Variants in KDM3B observed in about 807,000 individuals in gnomAD.
KDM3B encodes the protein lysine-specific demethylase 3B.
KDM3B carries 10 observed loss-of-function variants against 170.0 expected under a neutral mutation model. The ratio of observed to expected loss-of-function variants is 0.06; its 90% CI spans 0.04 to 0.10. The LOEUF is 0.10. Ranked by LOEUF, KDM3B falls within the 10% of genes least tolerant of loss-of-function variation. The pLI is 1.00. For synonymous variants in KDM3B, 831 were observed against 834.8 expected (o/e 1.00, Z 0.08); for missense variants, 1,394 against 2,195.2 (o/e 0.64, Z 7.29).
At chr5:138,400,711 T>C (rs1762661607) in intron 11 of KDM3B, among the ~76,000 whole-genome samples, 1 of 151,714 alleles carries the variant, frequency 6.6e-6, no homozygotes, top group Non-Finnish European at 1.5e-5. Context: ...ATCATACCAC[T>C]GCACTCCAGC....
intron 6 of KDM3B, among the ~76,000 whole-genome samples, chr5:138,383,797 A>C (rs957741933): frequency 6.6e-6 from 1 of 152,172 alleles, no homozygotes; most frequent in Admixed American, 6.5e-5. Flanking sequence ...AAAAAACACA[A>C]AAATTAGCTG....
At chr5:138,423,357 TA>T (rs535295125) in intron 15 of KDM3B, among the ~76,000 whole-genome samples, 244 of 152,352 alleles carry the variant, frequency 1.6e-3, no homozygotes, top group African/African-American at 5.7e-3. Context: ...TGATGTTACA[TA>T]ATTATACATA....
intron 6 of KDM3B, among the ~76,000 whole-genome samples, chr5:138,384,997 G>A (rs1047221486): frequency 5.9e-5 from 9 of 151,728 alleles, no homozygotes; most frequent in African/African-American, 2.2e-4. Context: ...TTAATCTTGA[G>A]CTTTGCATAA....
intron 6 of KDM3B, among the ~76,000 whole-genome samples, chr5:138,383,042 A>G (rs1413060688): frequency 1.3e-5 from 2 of 152,100 alleles, no homozygotes; most frequent in East Asian, 3.8e-4. Flanking sequence ...TGTAAGTAGG[A>G]CTTACATATA....
chr5:138,386,803 T>A (rs1023820462), intron 7 of KDM3B, among the ~76,000 whole-genome samples, 182 bp downstream of exon 7: 4 of 152,226 alleles, frequency 2.6e-5, no homozygotes, highest in Non-Finnish European at 5.9e-5. Flanking sequence ...AATAACTTTA[T>A]CAGCTCTTAA....
rs1762259348 is a variant in KDM3B at position 138,386,338 on chromosome 5, C to T, written c.1097C>T (p.Thr366Ile). The change falls in exon 7 of 24, where the codon ACT becomes ATT. Residue 366 changes from threonine to isoleucine, a missense_variant. Coordinates refer to ENST00000314358, the MANE Select transcript of KDM3B (RefSeq NM_016604.4). Reference sequence around the variant, plus strand: ...ACTTACACCAAAGAAAACGGCAGGACTCTGGTGGTGCAGGATGAGCCTGTA... The same window carrying T: ...ACTTACACCAAAGAAAACGGCAGGATTCTGGTGGTGCAGGATGAGCCTGTA... Reference protein sequence around the residue: ...FATYTKENGRTLVVQDEPVGG... With the variant: ...FATYTKENGRILVVQDEPVGG... 6.2e-7 allele frequency: 1 copy of T among 1,614,094 alleles called. No individual in the cohort carries two copies. The highest frequency in any genetic ancestry group is 1.7e-5 in the Admixed American group (1 of 59,998).
rs1580960936 is a variant in KDM3B at position 138,429,755 on chromosome 5, T to C, written c.4754-71T>C. 1.6e-5 allele frequency: 24 copies of C among 1,518,738 alleles called. No individual in the cohort carries two copies. The East Asian group carries it at 5.6e-4, about 35-fold the overall frequency. 94.1% of individuals were successfully genotyped at this position (1,518,738 alleles called of 1,614,324 possible). A position where few individuals can be genotyped will look rare whatever the true frequency, so the allele number is the denominator to read the frequency against. On this transcript the variant is annotated intron_variant, in intron 20 of 23. Coordinates refer to ENST00000314358, the MANE Select transcript of KDM3B (RefSeq NM_016604.4). Reference sequence around the variant, plus strand: ...AGAGTAAAACTCAATTTATTTAAATTGGACATTTCATTTCACTCAGTGGTA... The same window carrying C: ...AGAGTAAAACTCAATTTATTTAAATCGGACATTTCATTTCACTCAGTGGTA...
chr5:138,398,143 T>A (rs757635459), intron 9 of KDM3B, 35 bp from the exon 10 acceptor site: 14 of 1,532,278 alleles, frequency 9.1e-6, no homozygotes, highest in Non-Finnish European at 1.2e-5. Context: ...TTTGCGTTGC[T>A]CCTGCGATTT....
chr5:138,398,830 C>T (rs748314385), intron 10 of KDM3B, among the ~76,000 whole-genome samples: 3 of 151,526 alleles, frequency 2.0e-5, no homozygotes, highest in Non-Finnish European at 4.4e-5. Flanking sequence ...CTGTAAGATA[C>T]TATGCCCTAT....
intron 5 of KDM3B, among the ~76,000 whole-genome samples, chr5:138,380,075 CCT>C (rs1233288110): frequency 6.6e-6 from 1 of 151,994 alleles, no homozygotes; most frequent in East Asian, 1.9e-4. Context: ...GCAACATTTG[CCT>C]CTCGGGCTCA....
At chr5:138,431,278 T>C in intron 22 of KDM3B, 147 bp from the exon 23 acceptor site, 1 of 648,116 alleles carries the variant, frequency 1.5e-6, no homozygotes, top group Non-Finnish European at 2.4e-6. Flanking sequence ...TTTATACATT[T>C]GCACTTACAG....
At chr5:138,393,141 C>G in intron 8 of KDM3B, 30 bp from the exon 9 acceptor site, 1 of 1,608,278 alleles carries the variant, frequency 6.2e-7, no homozygotes, top group Non-Finnish European at 8.5e-7. Context: ...CACCTCATGA[C>G]AAACTTTTCT....
intron 5 of KDM3B, 82 bp downstream of exon 5, chr5:138,379,790 G>A: frequency 1.5e-6 from 2 of 1,348,728 alleles, no homozygotes; most frequent in South Asian, 1.6e-5. Context: ...TTCATTATGT[G>A]TAAGATGACT....
chr5:138,365,860 G>T (rs1325204094), intron 1 of KDM3B, among the ~76,000 whole-genome samples: 1 of 151,910 alleles, frequency 6.6e-6, no homozygotes, highest in African/African-American at 2.4e-5. Flanking sequence ...TTAGCCGGGC[G>T]TGGTGGTGCT....
At chr5:138,400,271 G>T (rs953499190) in intron 11 of KDM3B, among the ~76,000 whole-genome samples, 1 of 151,010 alleles carries the variant, frequency 6.6e-6, no homozygotes, top group Non-Finnish European at 1.5e-5. Flanking sequence ...TTCTCGCTCT[G>T]TTGCCCAGGT....
chr5:138,410,814 G>GA (rs1762947108), intron 11 of KDM3B, among the ~76,000 whole-genome samples: 1 of 152,198 alleles, frequency 6.6e-6, no homozygotes, highest in Non-Finnish European at 1.5e-5. Context: ...GAGAGAGAGA[G>GA]GAGACAAAGA....
At chr5:138,356,473 C>CA (rs1265996622) in intron 1 of KDM3B, among the ~76,000 whole-genome samples, 1 of 151,864 alleles carries the variant, frequency 6.6e-6, no homozygotes, top group Non-Finnish European at 1.5e-5. Flanking sequence ...CCTTTTTTTC[C>CA]ATGTGTACTG....
intron 15 of KDM3B, among the ~76,000 whole-genome samples, chr5:138,423,508 A>T (rs1763324154): frequency 6.6e-6 from 1 of 152,142 alleles, no homozygotes; most frequent in African/African-American, 2.4e-5. Flanking sequence ...GAAACAGGTG[A>T]GTGATTCTCA....
chr5:138,364,373 T>G (rs1032806381), intron 1 of KDM3B, among the ~76,000 whole-genome samples: 7 of 152,220 alleles, frequency 4.6e-5, no homozygotes, highest in Admixed American at 1.3e-4. Flanking sequence ...TGTAATCTTA[T>G]GAACGTAATT....
Sources: gnomAD v4.1 joint callset for allele counts (sites outside exome capture counted in the v4.1 genomes callset) on GRCh38, gnomAD v4.1.1 for gene constraint, MANE v1.5 for transcripts, NCBI Gene and HGNC (gene_info 2026-07-23, HGNC 2026-07-21) for gene names.